SRGAP1: variants seen among roughly 807,000 people sequenced by gnomAD.
SRGAP1 encodes SLIT-ROBO Rho GTPase-activating protein 1.
Under a neutral mutation model 121.9 loss-of-function variants are expected in SRGAP1, and 43 were observed. That is an observed-to-expected ratio of 0.35 (90% confidence interval 0.28 to 0.46). The LOEUF is 0.46. SRGAP1 is among the 20% of genes least tolerant of loss of function. The pLI is 1.00. For missense variants in SRGAP1, 1,102 were observed against 1,350.9 expected (o/e 0.82, Z 2.89); for synonymous variants, 447 against 485.4 (o/e 0.92, Z 1.04).
At chr12:64,124,598 G>T (rs921605560) in intron 18 of SRGAP1, among the ~76,000 whole-genome samples, 4 of 152,140 alleles carry the variant, frequency 2.6e-5, no homozygotes, top group Non-Finnish European at 5.9e-5. Context: ...GGTATTTGTG[G>T]GAGAGGGGAG....
intron 1 of SRGAP1, among the ~76,000 whole-genome samples, chr12:63,963,562 T>A (rs2032702928): frequency 6.6e-6 from 1 of 152,222 alleles, no homozygotes; most frequent in Admixed American, 6.5e-5. Context: ...AATTCTGTCT[T>A]CTAGCTATTT....
chr12:63,934,598 G>A (rs2031595779), intron 1 of SRGAP1, among the ~76,000 whole-genome samples: 1 of 151,860 alleles, frequency 6.6e-6, no homozygotes, highest in Non-Finnish European at 1.5e-5. Context: ...GCTTATGTTG[G>A]CCCTTTATTG....
chr12:63,871,990 T>C, intron 1 of SRGAP1: 2 of 939,870 alleles, frequency 2.1e-6, no homozygotes, highest in Non-Finnish European at 3.5e-6. Flanking sequence ...TTATACTGTG[T>C]CACTTCGTCA....
intron 15 of SRGAP1, among the ~76,000 whole-genome samples, chr12:64,107,957 G>A (rs181924216): frequency 2.0e-4 from 31 of 152,224 alleles, no homozygotes; most frequent in Non-Finnish European, 1.5e-5. Context: ...ACAGACTTAT[G>A]AAACAGGACA....
chr12:63,929,115 C>G (rs1738537041), intron 1 of SRGAP1, among the ~76,000 whole-genome samples: 2 of 152,300 alleles, frequency 1.3e-5, no homozygotes, highest in South Asian at 2.1e-4. Context: ...TCAAATCTCA[C>G]TGAACCAAAC....
chr12:63,944,905 C>A (rs989221279), intron 1 of SRGAP1, among the ~76,000 whole-genome samples: 16 of 152,180 alleles, frequency 1.1e-4, no homozygotes, highest in Admixed American at 5.2e-4. Flanking sequence ...TCACCCCACC[C>A]GGGCAGCAAG....
chr12:63,855,354 G>T (rs1899203481), intron 1 of SRGAP1, among the ~76,000 whole-genome samples: 1 of 151,872 alleles, frequency 6.6e-6, no homozygotes, highest in Non-Finnish European at 1.5e-5. Context: ...ACATCTTGCT[G>T]CAAGGGAAGC....
At position 64,152,413 on chromosome 12, in the gene SRGAP1, C is replaced by T. The variant is rs1321817434; in HGVS notation, c.*9741C>T. On this transcript the variant is annotated 3_prime_UTR_variant, in exon 22 of 22. Coordinates refer to ENST00000355086, the MANE Select transcript of SRGAP1 (RefSeq NM_020762.4). The stretch of plus-strand genomic sequence containing the variant: ...ATGTCATTACCCTGCTCAAAAGCCA[C>T]ACGTGGGTCCCCACTGCTGCAGGAC... 6.6e-6 allele frequency: 1 copy of T among 152,270 alleles called. No homozygotes were observed. Among genetic ancestry groups the T allele is most frequent in the Non-Finnish European group, 1.5e-5 (1 of 68,098 alleles). The allele number at this position is 152,270 out of a possible 1,614,324, so 9.4% of individuals were successfully genotyped here.
chr12:63,895,470 G>A (rs966141027), intron 1 of SRGAP1, among the ~76,000 whole-genome samples: 1 of 152,158 alleles, frequency 6.6e-6, no homozygotes, highest in African/African-American at 2.4e-5. Flanking sequence ...GAAATGTACT[G>A]GACAGAGCAG....
At chr12:64,048,624 G>A (rs939295767) in intron 6 of SRGAP1, among the ~76,000 whole-genome samples, 1 of 152,120 alleles carries the variant, frequency 6.6e-6, no homozygotes, top group African/African-American at 2.4e-5. Flanking sequence ...CACCAACAGT[G>A]TACACAAGTT....
chr12:64,067,734 C>T (rs117338502), intron 8 of SRGAP1, among the ~76,000 whole-genome samples: 1 of 152,246 alleles, frequency 6.6e-6, no homozygotes, highest in East Asian at 1.9e-4. Flanking sequence ...CCCCAGTTCT[C>T]TTTGGGGATG....
rs115065272 is a variant in SRGAP1 at position 63,946,990 on chromosome 12, A to T, written c.68-36957A>T. Among the ~76,000 whole-genome samples, 1,519 of 152,220 alleles carry T rather than the reference A, an allele frequency of 1.0e-2. 28 individuals are homozygous for T. Among genetic ancestry groups the T allele is most frequent in the African/African-American group, 0.034 (1,420 of 41,532 alleles). ...TATATATAGTTTCTTTTTATTGTTA[A>T]CGCATATTCCATTGTGATTGATAAT... On this transcript the variant is annotated intron_variant, in intron 1 of 21. Transcript: ENST00000355086.
At chr12:64,033,672 C>T (rs1377211868) in intron 4 of SRGAP1, among the ~76,000 whole-genome samples, 1 of 151,658 alleles carries the variant, frequency 6.6e-6, no homozygotes, top group African/African-American at 2.4e-5. Flanking sequence ...GAGCCGAGCT[C>T]ATGACATTAC....
chr12:63,850,516 G>A (rs1899041565), intron 1 of SRGAP1, among the ~76,000 whole-genome samples: 1 of 150,696 alleles, frequency 6.6e-6, no homozygotes, highest in Non-Finnish European at 1.5e-5. Context: ...CTGCAGCCTT[G>A]ACCTCCTGGG....
At chr12:64,127,308 A>G (rs1260152141) in intron 19 of SRGAP1, among the ~76,000 whole-genome samples, 9 of 152,190 alleles carry the variant, frequency 5.9e-5, no homozygotes, top group Admixed American at 5.9e-4. Context: ...ATGGAGGAGG[A>G]TATTTCTTAA....
In SRGAP1 at chr12:64,062,918, G is replaced by T. The variant is rs777877508; in HGVS notation, c.803G>T (p.Cys268Phe). The part of the protein sequence containing the change: ...YIHDLSDLID[C>F]CDLGYHASLN... The stretch of plus-strand genomic sequence containing the variant: ...TGTGGTGTTCTTTTACTTTTTAAGT[G>T]CTGTGATCTTGGCTACCATGCAAGT... Residue 268 changes from cysteine (C) to phenylalanine (F), a missense_variant and splice_region_variant, in exon 7 of 22, where the codon TGC becomes TTC. By Grantham distance (205) the Cys-to-Phe change is radical. This residue lies in a region of SRGAP1 where 747 missense variants were observed against 929.4 expected (regional missense o/e 0.80). Transcript: ENST00000355086. 8 of 1,607,016 alleles carry T rather than the reference G, an allele frequency of 5.0e-6. No individual in the cohort carries two copies. In the Admixed American group the frequency reaches 8.5e-5, roughly 17 times the overall value.
chr12:64,118,953 C>T (rs1456614770), intron 18 of SRGAP1, among the ~76,000 whole-genome samples: 1 of 152,062 alleles, frequency 6.6e-6, no homozygotes. Flanking sequence ...GTGATCCGCC[C>T]ACCTCACCCT....
At chr12:63,993,683 T>G (rs2033618558) in intron 3 of SRGAP1, among the ~76,000 whole-genome samples, 1 of 152,130 alleles carries the variant, frequency 6.6e-6, no homozygotes, top group South Asian at 2.1e-4. Flanking sequence ...GATAAGGAGT[T>G]TGGAGCAGGT....
At chr12:63,851,714 A>G (rs1430240097) in intron 1 of SRGAP1, among the ~76,000 whole-genome samples, 1 of 149,046 alleles carries the variant, frequency 6.7e-6, no homozygotes, top group Non-Finnish European at 1.5e-5. Flanking sequence ...ACAGGCATGC[A>G]CCCCCATGCC....
Sources: allele counts gnomAD v4.1 joint callset (sites outside exome capture counted in the v4.1 genomes callset), GRCh38; gene constraint gnomAD v4.1.1; regional missense constraint gnomAD v4.1.1; transcripts MANE v1.5; gene names NCBI Gene and HGNC (gene_info 2026-07-23, HGNC 2026-07-21).